Variants in UBR4 observed in about 807,000 individuals in gnomAD.
UBR4 encodes E3 ubiquitin-protein ligase UBR4.
In UBR4, 124 loss-of-function variants were observed where a neutral mutation model predicts 575.6. That is an observed-to-expected ratio of 0.22 (90% CI 0.19 to 0.25). The LOEUF (loss-of-function observed/expected upper bound fraction) is 0.25. Ranked by LOEUF, UBR4 falls within the 10% of genes least tolerant of loss-of-function variation. The probability of loss-of-function intolerance (pLI) is 1.00; values close to 1 mark genes in which losing one functional copy is unlikely to be tolerated. For synonymous variants in UBR4, 2,455 were observed against 2,473.7 expected (o/e 0.99, Z 0.22); for missense variants, 4,818 against 6,478.8 (o/e 0.74, Z 8.80).
rs2086253263 is a variant in UBR4, at chr1:19,155,017, T to C, written c.6359A>G (p.Gln2120Arg). Residue 2120 changes from glutamine (Q) to arginine (R), a missense_variant, in exon 44 of 106, where the codon CAG becomes CGG. Physicochemically the swap from Gln to Arg is conservative, Grantham distance 43. Coordinates refer to ENST00000375254, the MANE Select transcript of UBR4 (RefSeq NM_020765.3). Reference sequence around the variant, plus strand: ...TTGACAATAGCTGAAGAACAACATCTGCAACACGTGGGAGTAGTACACGGA... The same window carrying C: ...TTGACAATAGCTGAAGAACAACATCCGCAACACGTGGGAGTAGTACACGGA... ...GVSVYYSHVL[Q>R]MLFFSYCQGK... 1 of 1,614,058 alleles carries C rather than the reference T, an allele frequency of 6.2e-7. No individual in the cohort carries two copies. Among genetic ancestry groups the C allele is most frequent in the South Asian group, 1.1e-5 (1 of 91,088 alleles).
intron 4 of UBR4, 26 bp from the exon 5 acceptor site, chr1:19,198,706 G>A (rs1558014448): frequency 6.2e-7 from 1 of 1,613,010 alleles, no homozygotes; most frequent in Non-Finnish European, 8.5e-7. Context: ...GCAAAAAAAA[G>A]GGCTGAGGAA....
At chr1:19,167,878 A>C (rs2088784174) in intron 28 of UBR4, 149 bp downstream of exon 28, 5 of 768,116 alleles carry the variant, frequency 6.5e-6, no homozygotes, top group Non-Finnish European at 9.5e-6. Context: ...CATTCTAGGT[A>C]AGTGCTTATA....
intron 73 of UBR4, among the ~76,000 whole-genome samples, chr1:19,116,216 G>C (rs1420512926): frequency 6.6e-6 from 1 of 152,234 alleles, no homozygotes; most frequent in African/African-American, 2.4e-5. Flanking sequence ...AACCCTGGAA[G>C]TGGGGTCCTA....
chr1:19,084,293 A>G (rs1349696659), intron 102 of UBR4, among the ~76,000 whole-genome samples: 2 of 152,202 alleles, frequency 1.3e-5, no homozygotes, highest in Non-Finnish European at 2.9e-5. Context: ...GAGACAGGGC[A>G]GTTTGGGGGA....
chr1:19,150,445 G>T, intron 49 of UBR4, 132 bp downstream of exon 49: 1 of 967,068 alleles, frequency 1.0e-6, no homozygotes, highest in Non-Finnish European at 1.6e-6. Context: ...TGGGCGAGTT[G>T]TATGAAAACT....
rs768115977 is a variant in UBR4, at chr1:19,093,341, T to C, written c.14083A>G (p.Met4695Val). The change falls in exon 96 of 106, where the codon ATG becomes GTG. Residue 4695 changes from methionine to valine, a missense_variant. Met to Val is a conservative substitution (Grantham distance 21). This residue lies in a region of UBR4 where 39 missense variants were observed against 37.5 expected (regional missense o/e 1.04). Transcript: ENST00000375254. The surrounding 1 kb of genome is among the most constrained non-coding windows in gnomAD (Gnocchi z 4.8). ...KGITQNALDYMKKHIPSAKNL... is the reference protein window; with the variant it reads ...KGITQNALDYVKKHIPSAKNL... ...TTGGCGCTAGGGATGTGCTTTTTCA[T>C]GTAGTCAAGTGCATTCTGGGTGATC... 1 of 1,614,044 alleles carries C rather than the reference T, an allele frequency of 6.2e-7. No individual in the cohort carries two copies. Among genetic ancestry groups the C allele is most frequent in the Non-Finnish European group, 8.5e-7 (1 of 1,180,032 alleles).
chr1:19,197,522 A>C, intron 7 of UBR4, 148 bp downstream of exon 7: 1 of 1,202,582 alleles, frequency 8.3e-7, no homozygotes, highest in Non-Finnish European at 1.2e-6. Flanking sequence ...CCAGCTACTC[A>C]GGAGGCTGAG....
chr1:19,155,438 A>G lies in UBR4; in HGVS notation c.6300+3T>C, dbSNP rs2086313522. Reference sequence around the variant, plus strand: ...AGAAGGAAATAGCAACATGTGCTCTAACCTTCAGGTCCTCATGATTGATTT... The same window carrying G: ...AGAAGGAAATAGCAACATGTGCTCTGACCTTCAGGTCCTCATGATTGATTT... On this transcript the variant is annotated splice_donor_region_variant and intron_variant, in intron 43 of 105. Coordinates refer to ENST00000375254, the MANE Select transcript of UBR4 (RefSeq NM_020765.3). 6.2e-7 allele frequency: 1 copy of G among 1,612,946 alleles called. No homozygotes were observed. The highest frequency in any genetic ancestry group is 1.3e-5 in the African/African-American group (1 of 74,908).
chr1:19,162,065 A>G (rs1403382498), intron 35 of UBR4, among the ~76,000 whole-genome samples, 168 bp from the exon 36 acceptor site: 2 of 152,204 alleles, frequency 1.3e-5, no homozygotes, highest in African/African-American at 4.8e-5. Context: ...ATCTGTTGTT[A>G]CTTCAGGTGA....
chr1:19,089,234 G>A lies in UBR4; in HGVS notation c.14212-257C>T, dbSNP rs2077289180. 6.6e-6 allele frequency among the ~76,000 whole-genome samples: 1 copy of A among 152,212 alleles called. No individual in the cohort carries two copies. The highest frequency in any genetic ancestry group is 1.5e-5 in the Non-Finnish European group (1 of 68,044). ...ATAAAATGGGGATAGTGCAAGGGCT[G>A]CTGTGATGACTAAAAACTAGATAAC... On this transcript the variant is annotated intron_variant, in intron 97 of 105. Transcript: ENST00000375254. This position sits in a 1 kb window ranked among gnomAD's most constrained non-coding sequence, Gnocchi z 4.3.
chr1:19,201,488 T>A (rs967345440), intron 2 of UBR4, among the ~76,000 whole-genome samples: 1 of 152,192 alleles, frequency 6.6e-6, no homozygotes, highest in Non-Finnish European at 1.5e-5. Context: ...TTAATACTTA[T>A]AAAGCAGGTG....
chr1:19,185,287 C>A lies in UBR4; in HGVS notation c.1751-1G>T. ...CCCAAAATAGGCTCACTGTCATCGTCTGAATAGAGAAAGATAAAGTAACGA... is the reference window on the plus strand; with the variant it reads ...CCCAAAATAGGCTCACTGTCATCGTATGAATAGAGAAAGATAAAGTAACGA... On this transcript the variant is annotated splice_acceptor_variant, in intron 14 of 105. Coordinates refer to ENST00000375254, the MANE Select transcript of UBR4 (RefSeq NM_020765.3). LOFTEE classifies it high-confidence loss of function. 1 of 1,545,748 alleles carries A rather than the reference C, an allele frequency of 6.5e-7. No homozygotes were observed. The highest frequency in any genetic ancestry group is 1.2e-5 in the South Asian group (1 of 80,876).
At position 19,074,872 on chromosome 1, in the gene UBR4, G is replaced by A; in HGVS notation, c.15512C>T (p.Pro5171Leu). The A allele has an allele frequency of 6.2e-7, 1 of 1,614,064 alleles. No individual in the cohort carries two copies. The highest frequency in any genetic ancestry group is 8.5e-7 in the Non-Finnish European group (1 of 1,179,962). Residue 5171 changes from proline (P) to leucine (L), a missense_variant, in exon 106 of 106, where the codon CCA becomes CTA. Transcript: ENST00000375254. ...CAACAGGTCCTTCAGGAAGCTCTCT[G>A]GATCGGTGATTTCTGATAAAAGACC... ...VAGLLSEITD[P>L]ESFLKDLLNS... is the part of the protein sequence containing the mutation.
At position 19,187,435 on chromosome 1, in the gene UBR4, C is replaced by T; in HGVS notation, c.1494+6G>A. On this transcript the variant is annotated splice_donor_region_variant and intron_variant, in intron 12 of 105. Coordinates refer to ENST00000375254, the MANE Select transcript of UBR4 (RefSeq NM_020765.3). ...ATGCTGATTACCATGGGGATAACCTCCTCACCTTGTGAAGGGCCTCCACTT... is the reference window on the plus strand; with the variant it reads ...ATGCTGATTACCATGGGGATAACCTTCTCACCTTGTGAAGGGCCTCCACTT... The T allele has an allele frequency of 6.2e-7, 1 of 1,614,092 alleles. No homozygotes were observed. The highest frequency in any genetic ancestry group is 8.5e-7 in the Non-Finnish European group (1 of 1,179,990).
Position 19,148,104 on chromosome 1 carries a change from C to T in UBR4, c.7518G>A (p.Gln2506=). Residue 2506 remains glutamine, a synonymous_variant, in exon 51 of 106, where the codon CAG becomes CAA. Transcript: ENST00000375254. Reference sequence around the variant, plus strand: ...GGGACAACAGCAAAGTGGCCAGCTCCTGAGCAGCATTCTTGTTTCTCTCCT... The same window carrying T: ...GGGACAACAGCAAAGTGGCCAGCTCTTGAGCAGCATTCTTGTTTCTCTCCT... ...IEKERNKNAA[Q]ELATLLLSLP... 6.2e-7 allele frequency: 1 copy of T among 1,609,204 alleles called. No individual in the cohort carries two copies. Among genetic ancestry groups the T allele is most frequent in the Non-Finnish European group, 8.5e-7 (1 of 1,179,546 alleles).
rs1417109106 is a variant in UBR4, at chr1:19,118,037, A to G, written c.10542-127T>C. 4 of 791,168 alleles carry G rather than the reference A, an allele frequency of 5.1e-6. No individual in the cohort carries two copies. In the African/African-American group the frequency reaches 5.1e-5, roughly 10 times the overall value. The allele number at this position is 791,168 out of a possible 1,614,324, so 49.0% of individuals were successfully genotyped here. On this transcript the variant is annotated intron_variant, in intron 71 of 105. Coordinates refer to ENST00000375254, the MANE Select transcript of UBR4 (RefSeq NM_020765.3). ...GTGAGCCCAAAGTGAGCCCCACCCTAGTGAGAACTCAAGGACACAGGAGAA... is the reference window on the plus strand; with the variant it reads ...GTGAGCCCAAAGTGAGCCCCACCCTGGTGAGAACTCAAGGACACAGGAGAA...
At chr1:19,105,706 G>A (rs746712209) in intron 84 of UBR4, 27 bp downstream of exon 84, 9 of 1,527,866 alleles carry the variant, frequency 5.9e-6, no homozygotes, top group East Asian at 4.6e-5. Context: ...GTCTAACCAC[G>A]CTCCTCATCC....
In UBR4 at chr1:19,187,463, A is replaced by G; in HGVS notation, c.1472T>C (p.Leu491Pro). 6.2e-7 allele frequency: 1 copy of G among 1,614,080 alleles called. No individual in the cohort carries two copies. The highest frequency in any genetic ancestry group is 8.5e-7 in the Non-Finnish European group (1 of 1,180,016). Reference protein sequence around the residue: ...IKLLTSLFQDLQVEALHKGWE... With the variant: ...IKLLTSLFQDPQVEALHKGWE... ...CACCTTGTGAAGGGCCTCCACTTGTAGGTCTTGAAAGAGAGACGTTAGCAG... is the reference window on the plus strand; with the variant it reads ...CACCTTGTGAAGGGCCTCCACTTGTGGGTCTTGAAAGAGAGACGTTAGCAG... The change falls in exon 12 of 106, where the codon CTA (leucine) becomes CCA (proline). Residue 491 changes from leucine to proline, a missense_variant. By Grantham distance (98) the Leu-to-Pro change is moderately conservative. Transcript: ENST00000375254.
In UBR4 at chr1:19,151,681, T is replaced by A; in HGVS notation, c.7175A>T (p.Glu2392Val). 6.2e-7 allele frequency: 1 copy of A among 1,614,158 alleles called. No individual in the cohort carries two copies. The highest frequency in any genetic ancestry group is 8.5e-7 in the Non-Finnish European group (1 of 1,180,012). The change falls in exon 48 of 106, where the codon GAA (glutamate) becomes GTA (valine). Residue 2392 changes from glutamate to valine, a missense_variant. By Grantham distance (121) the Glu-to-Val change is moderately radical. This residue lies in a region of UBR4 where 6 missense variants were observed against 21.0 expected (regional missense o/e 0.29). Transcript: ENST00000375254. ...CTTCTTATCAGCCTGCAGGGCTTCT[T>A]CTCTGGTGAAGGGGAAGTCAAACCA... ...SRWFDFPFTR[E>V]EALQADKKLN...
Sources: allele counts gnomAD v4.1 joint callset (sites outside exome capture counted in the v4.1 genomes callset), GRCh38; gene constraint gnomAD v4.1.1; regional missense constraint gnomAD v4.1.1; non-coding constraint Gnocchi (gnomAD v3.1); transcripts MANE v1.5; gene names NCBI Gene and HGNC (gene_info 2026-07-23, HGNC 2026-07-21).